The following CEP128 variants were observed in gnomAD, a reference collection of about 807,000 sequenced individuals.
CEP128 encodes centrosomal protein 128, also known as centrosomal protein 128kDa.
In CEP128, 132 loss-of-function variants were observed where a neutral mutation model predicts 156.7. The observed-to-expected ratio is 0.84, with a 90% CI of 0.73 to 0.97. The LOEUF (loss-of-function observed/expected upper bound fraction) is 0.97, where lower values mean the gene tolerates loss of function less well. Among genes scored for constraint, CEP128 ranks in the 50% least tolerant of loss-of-function variants. The pLI, the probability that CEP128 is intolerant of heterozygous loss-of-function variation, is 0.00. For synonymous variants in CEP128, 469 were observed against 448.9 expected (o/e 1.04, Z -0.57); for missense variants, 1,252 against 1,281.9 (o/e 0.98, Z 0.36).
chr14:80,532,045 G>T (rs1173211952), intron 21 of CEP128, among the ~76,000 whole-genome samples: 1 of 152,164 alleles, frequency 6.6e-6, no homozygotes, highest in East Asian at 1.9e-4. Context: ...TAAGCCATAA[G>T]ATTTCAGAGT....
intron 21 of CEP128, 139 bp downstream of exon 21, chr14:80,559,140 T>C (rs1284130293): frequency 9.4e-6 from 7 of 743,168 alleles, no homozygotes; most frequent in African/African-American, 7.3e-5. Context: ...AGATACAGTT[T>C]AGCTTGTTTT....
intron 14 of CEP128, among the ~76,000 whole-genome samples, chr14:80,483,363 TCTA>T (rs1308573603): frequency 6.6e-6 from 1 of 152,212 alleles, no homozygotes; most frequent in African/African-American, 2.4e-5. Context: ...GCACAGATAT[TCTA>T]CTAATATCTT....
chr14:80,643,431 G>A (rs1419601020), intron 19 of CEP128, among the ~76,000 whole-genome samples: 1 of 152,122 alleles, frequency 6.6e-6, no homozygotes, highest in Admixed American at 6.6e-5. Flanking sequence ...AAGAATTGTG[G>A]TGGCTGGCCG....
intron 19 of CEP128, among the ~76,000 whole-genome samples, chr14:80,670,860 A>G (rs1895811846): frequency 6.6e-6 from 1 of 152,222 alleles, no homozygotes; most frequent in Admixed American, 6.5e-5. Context: ...GAAAAATGAA[A>G]TAAGTCATGG....
chr14:80,939,308 T>G (rs942694175), intron 2 of CEP128, 77 bp downstream of exon 2: 6 of 151,414 alleles, frequency 4.0e-5, no homozygotes, highest in African/African-American at 1.5e-4. Flanking sequence ...AAAACTCTAT[T>G]TCTTGGCATA....
chr14:80,719,621 A>G (rs916308228), intron 19 of CEP128, among the ~76,000 whole-genome samples: 1 of 152,232 alleles, frequency 6.6e-6, no homozygotes, highest in African/African-American at 2.4e-5. Context: ...GCCTGATTAT[A>G]GCTATCCATG....
chr14:80,637,107 G>GA (rs1248909078), intron 19 of CEP128, among the ~76,000 whole-genome samples: 1 of 135,110 alleles, frequency 7.4e-6, no homozygotes, highest in Non-Finnish European at 1.6e-5. Flanking sequence ...AAAAAGAAAA[G>GA]AAAATACAAA....
chr14:80,676,439 T>C (rs903697348), intron 19 of CEP128, among the ~76,000 whole-genome samples: 1 of 142,448 alleles, frequency 7.0e-6, no homozygotes, highest in Admixed American at 7.2e-5. Context: ...TTCTATTAAT[T>C]TGTGATTTTT....
chr14:80,569,290 C>G (rs1178556666), intron 20 of CEP128, among the ~76,000 whole-genome samples: 4 of 152,106 alleles, frequency 2.6e-5, no homozygotes, highest in African/African-American at 9.7e-5. Context: ...TACTTTAAAT[C>G]TAAAACATTT....
chr14:80,853,731 A>T (rs188304489), intron 9 of CEP128, among the ~76,000 whole-genome samples: 1 of 152,162 alleles, frequency 6.6e-6, no homozygotes, highest in East Asian at 1.9e-4. Context: ...GATTTTCATT[A>T]TCATTTACCA....
chr14:80,873,366 A>G (rs1198113129), intron 8 of CEP128, among the ~76,000 whole-genome samples: 1 of 152,256 alleles, frequency 6.6e-6, no homozygotes. Flanking sequence ...AATACAAAGT[A>G]AAACTGTAGA....
chr14:80,849,416 A>C (rs1010979156), intron 9 of CEP128, among the ~76,000 whole-genome samples: 6 of 152,152 alleles, frequency 3.9e-5, no homozygotes, highest in African/African-American at 1.4e-4. Context: ...CAAGACTAAC[A>C]CTGGCGAGGA....
chr14:80,744,177 C>T (rs1004396384), intron 18 of CEP128, among the ~76,000 whole-genome samples: 1 of 152,086 alleles, frequency 6.6e-6, no homozygotes, highest in Non-Finnish European at 1.5e-5. Flanking sequence ...ACCCAGCCCT[C>T]ACCTATCTTT....
chr14:80,767,617 C>A (rs1042174347), intron 16 of CEP128, among the ~76,000 whole-genome samples: 2 of 152,080 alleles, frequency 1.3e-5, no homozygotes, highest in Non-Finnish European at 2.9e-5. Flanking sequence ...CAATAACACA[C>A]CCCTCCTTCC....
At chr14:80,631,972 A>C (rs1893977163) in intron 19 of CEP128, among the ~76,000 whole-genome samples, 1 of 152,202 alleles carries the variant, frequency 6.6e-6, no homozygotes, top group East Asian at 1.9e-4. Context: ...AAGAATCTGA[A>C]CTAAGGTTGA....
chr14:80,618,321 GATCTT>G (rs1893316282), intron 19 of CEP128, among the ~76,000 whole-genome samples: 1 of 152,086 alleles, frequency 6.6e-6, no homozygotes, highest in Admixed American at 6.5e-5. Context: ...CATCGTTCTT[GATCTT>G]ATTTTCGAAT....
intron 19 of CEP128, among the ~76,000 whole-genome samples, chr14:80,659,392 T>C (rs1895304529): frequency 1.3e-5 from 2 of 152,168 alleles, no homozygotes; most frequent in Non-Finnish European, 2.9e-5. Context: ...TTGAAGTGTA[T>C]GCTTCCTGAG....
chr14:80,634,208 G>C (rs1894086590), intron 19 of CEP128, among the ~76,000 whole-genome samples: 1 of 152,196 alleles, frequency 6.6e-6, no homozygotes, highest in South Asian at 2.1e-4. Context: ...ATTGCTTTCA[G>C]AGGAATAACT....
intron 13 of CEP128, among the ~76,000 whole-genome samples, chr14:80,819,437 G>A (rs768872066): frequency 1.3e-5 from 2 of 151,702 alleles, no homozygotes; most frequent in African/African-American, 2.4e-5. Context: ...TAGTAGAGAC[G>A]GGGTTTCACT....
Sources: gnomAD v4.1 joint callset for allele counts (sites outside exome capture counted in the v4.1 genomes callset) on GRCh38, gnomAD v4.1.1 for gene constraint, MANE v1.5 for transcripts, NCBI Gene and HGNC (gene_info 2026-07-23, HGNC 2026-07-21) for gene names.